Variants in ADGRL2 observed in about 807,000 individuals in gnomAD.
ADGRL2 encodes adhesion G protein-coupled receptor L2.
A neutral mutation model predicts 157.4 loss-of-function variants in ADGRL2; 44 were observed. That is an observed-to-expected ratio of 0.28 (90% confidence interval 0.22 to 0.36). The LOEUF (loss-of-function observed/expected upper bound fraction) is 0.36. Among genes scored for constraint, ADGRL2 ranks in the 10% least tolerant of loss-of-function variants. ADGRL2 has a pLI of 1.00. For synonymous variants in ADGRL2, 585 were observed against 624.7 expected (o/e 0.94, Z 0.95); for missense variants, 1,510 against 1,768.9 (o/e 0.85, Z 2.63).
intron 3 of ADGRL2, among the ~76,000 whole-genome samples, chr1:81,614,423 G>A (rs761444329): frequency 2.0e-5 from 3 of 152,200 alleles, no homozygotes; most frequent in African/African-American, 4.8e-5. Flanking sequence ...TGGGGACTGT[G>A]TATATTGAGG....
At chr1:81,781,790 A>T (rs1031534077) in intron 2 of ADGRL2, among the ~76,000 whole-genome samples, 4 of 152,236 alleles carry the variant, frequency 2.6e-5, no homozygotes, top group Non-Finnish European at 5.9e-5. Flanking sequence ...TGCCAGGGAC[A>T]CTACTGCCAG....
At chr1:81,358,966 G>A (rs2075921723) in intron 1 of ADGRL2, among the ~76,000 whole-genome samples, 1 of 152,066 alleles carries the variant, frequency 6.6e-6, no homozygotes, top group Non-Finnish European at 1.5e-5. Context: ...ATTAGAGGAA[G>A]AGGACAGAGG....
At chr1:81,743,544 T>G (rs2085145927) in intron 1 of ADGRL2, among the ~76,000 whole-genome samples, 1 of 151,958 alleles carries the variant, frequency 6.6e-6, no homozygotes, top group African/African-American at 2.4e-5. Context: ...TAGGAATTAT[T>G]ATTAGAAGAA....
Position 81,626,919 on chromosome 1 carries a change from G to T in ADGRL2, c.-143+45939G>T, listed in dbSNP as rs577494865. Among the ~76,000 whole-genome samples, 47 of 152,268 alleles carry T rather than the reference G, an allele frequency of 3.1e-4. 1 individual carries two copies. In the South Asian group the frequency reaches 5.0e-3, roughly 16 times the overall value. On this transcript the variant is annotated intron_variant, in intron 3 of 24. Coordinates refer to the ADGRL2 transcript ENST00000370721. ...CATTCGTGAACACCAGAATGGTAAG[G>T]GGTGTGGGTGGAGGGTAGGTGGGGA...
intron 3 of ADGRL2, among the ~76,000 whole-genome samples, chr1:81,603,306 G>T (rs1204676841): frequency 1.3e-5 from 2 of 152,050 alleles, no homozygotes; most frequent in Non-Finnish European, 2.9e-5. Flanking sequence ...ATAGGTTCTA[G>T]TTCAAGATTT....
chr1:81,888,470 T>C lies in ADGRL2; in HGVS notation c.74-18547T>C, dbSNP rs1011830649. 3.3e-5 allele frequency among the ~76,000 whole-genome samples: 5 copies of C among 152,164 alleles called. 1 individual carries two copies. The South Asian group carries it at 8.3e-4, about 25-fold the overall frequency. ...TATTTATTTTTTTGAGATGGAGTCT[T>C]GCTCTGTAACCCAGGCTGGAGCGCA... is the stretch of plus-strand genomic sequence containing the variant. On this transcript the variant is annotated intron_variant, in intron 2 of 23. Coordinates refer to ENST00000686636, the MANE Select transcript of ADGRL2 (RefSeq NM_001366006.2).
chr1:81,692,832 A>T (rs1279809653), intron 3 of ADGRL2, among the ~76,000 whole-genome samples: 2 of 152,226 alleles, frequency 1.3e-5, no homozygotes, highest in East Asian at 3.9e-4. Flanking sequence ...ATAAAAACTC[A>T]GATATCTGAC....
At chr1:81,715,628 A>C (rs2084090394) in intron 1 of ADGRL2, among the ~76,000 whole-genome samples, 1 of 152,166 alleles carries the variant, frequency 6.6e-6, no homozygotes, top group South Asian at 2.1e-4. Flanking sequence ...TTAATGCGAC[A>C]TGACGTGCCT....
chr1:81,390,838 T>C (rs1348520114), intron 1 of ADGRL2, among the ~76,000 whole-genome samples: 1 of 152,306 alleles, frequency 6.6e-6, no homozygotes, highest in East Asian at 1.9e-4. Context: ...TGGACATTCA[T>C]TATGTTTTCA....
chr1:81,836,839 A>G (rs527802982), intron 1 of ADGRL2, 46 bp from the exon 2 acceptor site: 1 of 523,490 alleles, frequency 1.9e-6, no homozygotes, highest in East Asian at 3.4e-5. Flanking sequence ...TTGTTTTGTT[A>G]TGTAGAAAGA....
chr1:81,800,636 G>C (rs1388354090), upstream of ADGRL2: 3 of 152,038 alleles, frequency 2.0e-5, no homozygotes, highest in South Asian at 2.1e-4. Context: ...GGAGCGCCGC[G>C]CTTCGCGGCG....
chr1:81,403,213 G>A (rs889591876), intron 1 of ADGRL2, among the ~76,000 whole-genome samples: 15 of 129,196 alleles, frequency 1.2e-4, no homozygotes, highest in African/African-American at 3.1e-4. Flanking sequence ...TGGAATGTAC[G>A]TAACACTTTT....
intron 3 of ADGRL2, among the ~76,000 whole-genome samples, chr1:81,924,009 C>A (rs1331327786): frequency 2.0e-5 from 3 of 152,280 alleles, no homozygotes; most frequent in Admixed American, 2.0e-4. Flanking sequence ...TGATTAACTT[C>A]CAAATTAATA....
chr1:81,343,086 TCTTTTC>T (rs1263643954), intron 1 of ADGRL2, among the ~76,000 whole-genome samples: 41 of 105,146 alleles, frequency 3.9e-4, no homozygotes, highest in Middle Eastern at 4.8e-3. Context: ...TTTTCTTTTT[TCTTTTC>T]TTTTTTTTTT....
intron 2 of ADGRL2, among the ~76,000 whole-genome samples, chr1:81,889,947 G>A (rs565721569): frequency 6.3e-4 from 96 of 152,314 alleles, no homozygotes; most frequent in African/African-American, 2.3e-3. Flanking sequence ...GATTGTATGT[G>A]TGGGTCACCT....
intron 1 of ADGRL2, among the ~76,000 whole-genome samples, chr1:81,360,140 T>A (rs573750426): frequency 9.9e-5 from 15 of 152,020 alleles, no homozygotes; most frequent in Non-Finnish European, 1.9e-4. Context: ...TCTCACTTCA[T>A]TTCATGGTAT....
intron 1 of ADGRL2, among the ~76,000 whole-genome samples, chr1:81,349,187 A>G (rs971020570): frequency 1.3e-5 from 2 of 152,142 alleles, no homozygotes; most frequent in African/African-American, 4.8e-5. Context: ...AAGCCATTAA[A>G]CCGTGTTGGG....
At chr1:81,864,927 A>G (rs910920726) in intron 2 of ADGRL2, among the ~76,000 whole-genome samples, 11 of 152,180 alleles carry the variant, frequency 7.2e-5, no homozygotes, top group Non-Finnish European at 2.9e-5. Flanking sequence ...CAGAGGTTGC[A>G]GTGAGCCAAG....
intron 1 of ADGRL2, among the ~76,000 whole-genome samples, chr1:81,424,818 CAT>C (rs1454316738): frequency 1.3e-5 from 2 of 152,276 alleles, no homozygotes; most frequent in Admixed American, 1.3e-4. Flanking sequence ...CATTTTCTGA[CAT>C]AGCAGTTGCA....
Sources: allele counts gnomAD v4.1 joint callset (sites outside exome capture counted in the v4.1 genomes callset), GRCh38; gene constraint gnomAD v4.1.1; transcripts MANE v1.5; gene names NCBI Gene and HGNC (gene_info 2026-07-23, HGNC 2026-07-21).